Variants in COL4A2 observed in about 807,000 individuals in gnomAD.
COL4A2 encodes collagen alpha-2(IV) chain.
In COL4A2, 99 loss-of-function variants were observed where a neutral mutation model predicts 200.2. The observed-to-expected ratio is 0.49, with a 90% CI of 0.42 to 0.58. COL4A2 has a LOEUF of 0.58. Ranked by LOEUF, COL4A2 falls within the 20% of genes least tolerant of loss-of-function variation. The probability of loss-of-function intolerance (pLI) is 0.00; values close to 1 mark genes in which losing one functional copy is unlikely to be tolerated. For missense variants in COL4A2, 1,950 were observed against 2,314.1 expected, an observed-to-expected ratio of 0.84 and a Z score of 3.23; for synonymous variants, 897 against 900.6, an observed-to-expected ratio of 1.00 and a Z score of 0.07.
intron 29 of COL4A2, among the ~76,000 whole-genome samples, chr13:110,477,334 G>A (rs1245494882): frequency 6.6e-6 from 1 of 152,256 alleles, no homozygotes; most frequent in Non-Finnish European, 1.5e-5. Flanking sequence ...GACTGCCAGG[G>A]TTCCATTTTG....
At chr13:110,492,255 C>G (rs1031967423) in intron 38 of COL4A2, 78 bp downstream of exon 38, 2 of 1,312,234 alleles carry the variant, frequency 1.5e-6, no homozygotes, top group African/African-American at 2.9e-5. Flanking sequence ...GCAGGCCAGC[C>G]TCTCTCAGGG....
intron 4 of COL4A2, among the ~76,000 whole-genome samples, chr13:110,400,317 C>A (rs933912826): frequency 1.3e-5 from 2 of 152,204 alleles, no homozygotes; most frequent in Admixed American, 6.5e-5. Flanking sequence ...TAAGTATTTT[C>A]TGAACATTAA....
chr13:110,437,389 G>A lies in COL4A2; in HGVS notation c.826-613G>A, dbSNP rs965607192. Among the ~76,000 whole-genome samples, 4 of 152,204 alleles carry A rather than the reference G, an allele frequency of 2.6e-5. No individual in the cohort carries two copies. In the East Asian group the frequency reaches 7.7e-4, roughly 29 times the overall value. Reference sequence around the variant, plus strand: ...TACAACCCAGGCCAGGGTGGGATCCGGGGCTGGGAATGGCCAACCCGCAGG... The same window carrying A: ...TACAACCCAGGCCAGGGTGGGATCCAGGGCTGGGAATGGCCAACCCGCAGG... On this transcript the variant is annotated intron_variant, in intron 13 of 47. Transcript: ENST00000360467.
At chr13:110,336,549 T>C (rs1876202012) in intron 3 of COL4A2, among the ~76,000 whole-genome samples, 1 of 152,152 alleles carries the variant, frequency 6.6e-6, no homozygotes, top group Non-Finnish European at 1.5e-5. Context: ...CCTCATTTCA[T>C]CTGTAAAGGA....
Position 110,446,824 on chromosome 13 carries a change from T to C in COL4A2, c.1038T>C (p.Pro346=). 7 of 1,612,980 alleles carry C rather than the reference T, an allele frequency of 4.3e-6. No homozygotes were observed. The highest frequency in any genetic ancestry group is 5.9e-6 in the Non-Finnish European group (7 of 1,179,042). The change falls in exon 18 of 48, where the codon CCT becomes CCC. Residue 346 remains proline, a synonymous_variant. Coordinates refer to ENST00000360467, the MANE Select transcript of COL4A2 (RefSeq NM_001846.4). ...GAGAAGCCGGAGACCCAGGGCCCCC[T>C]GGACTACCTGCCTACTCCCCTCACC... ...PKGEAGDPGP[P]GLPAYSPHPS... is the part of the protein sequence containing the mutation.
intron 3 of COL4A2, among the ~76,000 whole-genome samples, chr13:110,324,514 A>T (rs2139354861): frequency 6.6e-6 from 1 of 152,342 alleles, no homozygotes; most frequent in South Asian, 2.1e-4. Flanking sequence ...CATACTGGAC[A>T]TGAAGCCCCA....
intron 18 of COL4A2, among the ~76,000 whole-genome samples, chr13:110,449,394 G>A (rs1029929253): frequency 3.3e-5 from 5 of 152,104 alleles, no homozygotes; most frequent in Non-Finnish European, 7.4e-5. Flanking sequence ...AGGCCTCCTC[G>A]CTCCCAGGCC....
chr13:110,500,686 G>A (rs561697618), intron 40 of COL4A2, among the ~76,000 whole-genome samples: 1 of 152,304 alleles, frequency 6.6e-6, no homozygotes, highest in African/African-American at 2.4e-5. Flanking sequence ...GGAAATACAA[G>A]GCTAAGTTCC....
At chr13:110,477,639 TGTA>T (rs1377330191) in intron 29 of COL4A2, among the ~76,000 whole-genome samples, 6 of 152,248 alleles carry the variant, frequency 3.9e-5, no homozygotes, top group African/African-American at 1.4e-4. Context: ...GTTTTATTCA[TGTA>T]GTTATTTTAA....
Position 110,385,541 on chromosome 13 carries a change from C to T in COL4A2, c.180+27989C>T, listed in dbSNP as rs371934181. On this transcript the variant is annotated intron_variant, in intron 4 of 47. Coordinates refer to ENST00000360467, the MANE Select transcript of COL4A2 (RefSeq NM_001846.4). ...CCGTGGTTACAGTGCGTGGATAGGC[C>T]GTGGTTGCAGTGTGTGGATAGACCG... 3.8e-3 allele frequency among the ~76,000 whole-genome samples: 218 copies of T among 57,482 alleles called. 6 individuals are homozygous for T. Among genetic ancestry groups the T allele is most frequent in the African/African-American group, 7.1e-3 (104 of 14,736 alleles). 37.7% of individuals were successfully genotyped at this position (57,482 alleles called of 152,430 possible). A position where few individuals can be genotyped will look rare whatever the true frequency, so the allele number is the denominator to read the frequency against.
chr13:110,415,764 C>A (rs1422628906), intron 4 of COL4A2, among the ~76,000 whole-genome samples: 1 of 152,252 alleles, frequency 6.6e-6, no homozygotes, highest in Non-Finnish European at 1.5e-5. Context: ...TCACCGGGAG[C>A]CCGCCTTTGG....
At chr13:110,503,731 A>C in intron 43 of COL4A2, 116 bp from the exon 44 acceptor site, 1 of 1,293,450 alleles carries the variant, frequency 7.7e-7, no homozygotes, top group African/African-American at 1.5e-5. Context: ...TCTAGAAAGC[A>C]CAGTTGTCTG....
intron 4 of COL4A2, among the ~76,000 whole-genome samples, chr13:110,383,606 CTTTTTTT>C (rs67906394): frequency 8.9e-4 from 58 of 65,354 alleles, no homozygotes; most frequent in African/African-American, 1.7e-3. Context: ...CAGCCCTTTT[CTTTTTTT>C]TTTTTTTTTT....
At chr13:110,505,133 A>G (rs113771884) in intron 45 of COL4A2, among the ~76,000 whole-genome samples, 12,080 of 150,012 alleles carry the variant, frequency 0.081, 525 homozygotes, top group Middle Eastern at 0.1. Flanking sequence ...GGCGGATCAC[A>G]AGGGCAGGAG....
chr13:110,330,825 G>C (rs1875875388), intron 3 of COL4A2, among the ~76,000 whole-genome samples: 1 of 152,050 alleles, frequency 6.6e-6, no homozygotes, highest in Non-Finnish European at 1.5e-5. Flanking sequence ...TTTGCTAGCA[G>C]TAACTGCCAG....
rs182180928 is a variant in COL4A2 at position 110,387,036 on chromosome 13, A to G, written c.180+29484A>G. On this transcript the variant is annotated intron_variant, in intron 4 of 47. Transcript: ENST00000360467. ...GGGTGAATTACGAGGTCAGGAGTTC[A>G]AGACCAGCCTGGCCAACATGGTGAA... Among the ~76,000 whole-genome samples, 997 of 152,280 alleles carry G rather than the reference A, an allele frequency of 6.5e-3. 2 individuals are homozygous for G. Among genetic ancestry groups the G allele is most frequent in the Non-Finnish European group, 0.011 (720 of 68,012 alleles).
intron 28 of COL4A2, among the ~76,000 whole-genome samples, chr13:110,469,923 TTTTTTTA>T (rs1323255886): frequency 2.0e-5 from 3 of 146,932 alleles, no homozygotes; most frequent in African/African-American, 5.1e-5. Flanking sequence ...TTTTTTTTTT[TTTTTTTA>T]ATGAAATGGA....
At position 110,501,687 on chromosome 13, in the gene COL4A2, G is replaced by A. The variant is rs1416259365; in HGVS notation, c.3780G>A (p.Gly1260=). ...QGAPGERGPP[G]SPGLQGFPGI... is the part of the protein sequence containing the mutation. ...CCTAAGGGGAACGAGGCCCACCTGG[G>A]AGCCCAGGACTTCAGGGGTTCCCTG... Residue 1260 remains glycine, a synonymous_variant, in exon 41 of 48, where the codon GGG becomes GGA. Transcript: ENST00000360467. 11 of 1,613,900 alleles carry A rather than the reference G, an allele frequency of 6.8e-6. No homozygotes were observed. The highest frequency in any genetic ancestry group is 9.3e-6 in the Non-Finnish European group (11 of 1,179,806).
At chr13:110,493,070 G>A in intron 38 of COL4A2, 141 bp from the exon 39 acceptor site, 1 of 862,134 alleles carries the variant, frequency 1.2e-6, no homozygotes, top group Non-Finnish European at 1.8e-6. Flanking sequence ...AACGATGAGT[G>A]ACACCCCCAT....
Sources: allele counts gnomAD v4.1 joint callset (sites outside exome capture counted in the v4.1 genomes callset), GRCh38; gene constraint gnomAD v4.1.1; transcripts MANE v1.5; gene names NCBI Gene and HGNC (gene_info 2026-07-23, HGNC 2026-07-21).